DNAH1: variants seen among roughly 807,000 people sequenced by gnomAD.
DNAH1 encodes dynein axonemal heavy chain 1.
DNAH1 carries 327 observed loss-of-function variants against 484.3 expected under a neutral mutation model. The observed-to-expected ratio is 0.68, with a 90% CI of 0.62 to 0.74. The LOEUF (loss-of-function observed/expected upper bound fraction) is 0.74, where lower values mean the gene tolerates loss of function less well. Among genes scored for constraint, DNAH1 ranks in the 30% least tolerant of loss-of-function variants. The pLI is 0.00. For missense variants in DNAH1, 5,052 were observed against 5,546.8 expected, an observed-to-expected ratio of 0.91 and a Z score of 2.83; for synonymous variants, 2,192 against 2,191.9, an observed-to-expected ratio of 1.00 and a Z score of 0.00.
intron 11 of DNAH1, among the ~76,000 whole-genome samples, chr3:52,347,103 C>T (rs1262859303): frequency 6.6e-6 from 1 of 152,220 alleles, no homozygotes; most frequent in Non-Finnish European, 1.5e-5. Context: ...TAAATACATA[C>T]ACACAGTCAT....
Position 52,347,820 on chromosome 3 carries a change from G to C in DNAH1, c.1956-4G>C, listed in dbSNP as rs1465756055. On this transcript the variant is annotated splice_polypyrimidine_tract_variant and splice_region_variant and intron_variant, in intron 11 of 77. Transcript: ENST00000420323. ...GCCCACAGTCAGCTCGCCATTGCCTGCAGGCCCCGGAAGAATCCCCTGTTC... is the reference window on the plus strand; with the variant it reads ...GCCCACAGTCAGCTCGCCATTGCCTCCAGGCCCCGGAAGAATCCCCTGTTC... 1 of 1,574,810 alleles carries C rather than the reference G, an allele frequency of 6.3e-7. No individual in the cohort carries two copies. The highest frequency in any genetic ancestry group is 1.8e-5 in the Admixed American group (1 of 55,344).
In DNAH1 at chr3:52,395,493, G is replaced by A. The variant is rs1704579863; in HGVS notation, c.11127+27G>A. 1.9e-6 allele frequency: 3 copies of A among 1,613,406 alleles called. No individual in the cohort carries two copies. Among genetic ancestry groups the A allele is most frequent in the African/African-American group, 2.7e-5 (2 of 74,962 alleles). Reference sequence around the variant, plus strand: ...TCAGGGCTAGGCAGGGAGGAAGGGAGTGGGCTGGGGGGTGGGCAAGCTGGC... The same window carrying A: ...TCAGGGCTAGGCAGGGAGGAAGGGAATGGGCTGGGGGGTGGGCAAGCTGGC... On this transcript the variant is annotated intron_variant, in intron 69 of 77. Coordinates refer to ENST00000420323, the MANE Select transcript of DNAH1 (RefSeq NM_015512.5). This position sits in a 1 kb window ranked among gnomAD's most constrained non-coding sequence, Gnocchi z 4.4.
chr3:52,325,811 A>G (rs74435749), intron 3 of DNAH1, among the ~76,000 whole-genome samples: 24 of 151,710 alleles, frequency 1.6e-4, no homozygotes, highest in Non-Finnish European at 2.8e-4. Flanking sequence ...CAGTGGTAAC[A>G]CTCTCCCTTG....
Position 52,359,955 on chromosome 3 carries a change from C to G in DNAH1, c.4447C>G (p.Arg1483Gly). 6.2e-7 allele frequency: 1 copy of G among 1,613,862 alleles called. No homozygotes were observed. The change falls in exon 27 of 78, where the codon CGC becomes GGC. Residue 1483 changes from arginine to glycine, a missense_variant. Physicochemically the swap from Arg to Gly is moderately radical, Grantham distance 125. Coordinates refer to ENST00000420323, the MANE Select transcript of DNAH1 (RefSeq NM_015512.5). ...LVALVRGKLS[R>G]MQRAVLSALI... Reference sequence around the variant, plus strand: ...GGCCCTTGTGCGGGGGAAGCTGTCCCGCATGCAGCGGGCAGTGCTGTCAGC... The same window carrying G: ...GGCCCTTGTGCGGGGGAAGCTGTCCGGCATGCAGCGGGCAGTGCTGTCAGC...
chr3:52,379,797 CCAG>C lies in DNAH1; in HGVS notation c.7378-107_7378-105del. On this transcript the variant is annotated intron_variant, in intron 47 of 77. Coordinates refer to ENST00000420323, the MANE Select transcript of DNAH1 (RefSeq NM_015512.5). The surrounding 1 kb of genome is among the most constrained non-coding windows in gnomAD (Gnocchi z 4.4). ...TGGGCCATGGTGGGAGAGCCAGGCT[CCAG>C]TCAGGGCCCCAGGAACTGGGGCCCA... is the stretch of plus-strand genomic sequence containing the variant. 1 of 959,150 alleles carries C rather than the reference CCAG, an allele frequency of 1.0e-6. No homozygotes were observed. The highest frequency in any genetic ancestry group is 2.8e-5 in the Admixed American group (1 of 35,090). The allele number at this position is 959,150 out of a possible 1,614,324, so 59.4% of individuals were successfully genotyped here. A position where few individuals can be genotyped will look rare whatever the true frequency, so the allele number is the denominator to read the frequency against.
chr3:52,362,269 G>T lies in DNAH1; in HGVS notation c.4981-119G>T. 1 of 808,818 alleles carries T rather than the reference G, an allele frequency of 1.2e-6. No individual in the cohort carries two copies. Among genetic ancestry groups the T allele is most frequent in the South Asian group, 1.6e-5 (1 of 61,800 alleles). The allele number at this position is 808,818 out of a possible 1,614,324, so 50.1% of individuals were successfully genotyped here. ...ATACAACCCATGATCAGGGGTCCAG[G>T]CCTGGCCTACCAGCTACAGCCAGGA... On this transcript the variant is annotated intron_variant, in intron 30 of 77. Coordinates refer to ENST00000420323, the MANE Select transcript of DNAH1 (RefSeq NM_015512.5). This position sits in a 1 kb window ranked among gnomAD's most constrained non-coding sequence, Gnocchi z 5.1.
chr3:52,347,682 G>A, intron 11 of DNAH1, 142 bp from the exon 12 acceptor site: 1 of 1,017,210 alleles, frequency 9.8e-7, no homozygotes, highest in Non-Finnish European at 1.4e-6. Flanking sequence ...TGGTAACTTG[G>A]AGGTGTGTGG....
intron 75 of DNAH1, 82 bp from the exon 76 acceptor site, chr3:52,398,768 C>T: frequency 8.0e-7 from 1 of 1,243,148 alleles, no homozygotes; most frequent in East Asian, 2.6e-5. Context: ...TTGTTTTTCA[C>T]TCTGTGGCCT....
chr3:52,388,734 A>G (rs1704230020), intron 58 of DNAH1, 72 bp from the exon 59 acceptor site: 1 of 1,605,964 alleles, frequency 6.2e-7, no homozygotes, highest in Non-Finnish European at 8.5e-7. Flanking sequence ...CCCAGGTGCC[A>G]CAGTGGGTAG....
chr3:52,388,744 G>C (rs759503146), intron 58 of DNAH1, 62 bp from the exon 59 acceptor site: 4 of 1,606,718 alleles, frequency 2.5e-6, no homozygotes, highest in Non-Finnish European at 3.4e-6. Context: ...ACAGTGGGTA[G>C]GGCCAGCCCC....
At chr3:52,334,320 T>C (rs1168022026) in intron 8 of DNAH1, among the ~76,000 whole-genome samples, 1 of 152,176 alleles carries the variant, frequency 6.6e-6, no homozygotes, top group African/African-American at 2.4e-5. Flanking sequence ...GCACTTACCA[T>C]GAATGGAGCC....
At position 52,370,458 on chromosome 3, in the gene DNAH1, C is replaced by T; in HGVS notation, c.6259-19C>T. 1 of 1,613,936 alleles carries T rather than the reference C, an allele frequency of 6.2e-7. No homozygotes were observed. Among genetic ancestry groups the T allele is most frequent in the Non-Finnish European group, 8.5e-7 (1 of 1,179,866 alleles). Reference sequence around the variant, plus strand: ...ATACTGTTCCTGTCTCAGCCTGATACTGTTCCCTTCATCCCCAGGGCCTCA... The same window carrying T: ...ATACTGTTCCTGTCTCAGCCTGATATTGTTCCCTTCATCCCCAGGGCCTCA... On this transcript the variant is annotated intron_variant, in intron 39 of 77. Transcript: ENST00000420323.
Position 52,396,632 on chromosome 3 carries a change from G to C in DNAH1, c.11445G>C (p.Lys3815Asn). ...ACCTCCCCCAGGTGATGGAGTTCAA[G>C]TCTCTGCTGCTGTCTCTGTGCTTGT... ...LNSCHKVMEF[K>N]SLLLSLCLFH... The change falls in exon 72 of 78, where the codon AAG becomes AAC. Residue 3815 changes from lysine (K) to asparagine (N), a missense_variant. This residue lies in a region of DNAH1 where 853 missense variants were observed against 899.0 expected (regional missense o/e 0.95). Transcript: ENST00000420323. 1 of 1,613,192 alleles carries C rather than the reference G, an allele frequency of 6.2e-7. No individual in the cohort carries two copies. The highest frequency in any genetic ancestry group is 8.5e-7 in the Non-Finnish European group (1 of 1,179,524).
chr3:52,322,798 A>G, intron 2 of DNAH1, 23 bp downstream of exon 2: 1 of 1,565,596 alleles, frequency 6.4e-7, no homozygotes. Context: ...GCCATCCCCT[A>G]CCAAGCCTCA....
chr3:52,353,031 A>G lies in DNAH1; in HGVS notation c.3028-72A>G. ...AGGGAGAGGGAGAGGACCTGGCCCAAGAAGGGGCAACATGGAGAGAGACTG... is the reference window on the plus strand; with the variant it reads ...AGGGAGAGGGAGAGGACCTGGCCCAGGAAGGGGCAACATGGAGAGAGACTG... On this transcript the variant is annotated intron_variant, in intron 18 of 77. Transcript: ENST00000420323. The surrounding 1 kb of genome is among the most constrained non-coding windows in gnomAD (Gnocchi z 5.0). 1.4e-6 allele frequency: 2 copies of G among 1,464,452 alleles called. No homozygotes were observed. The highest frequency in any genetic ancestry group is 1.9e-6 in the Non-Finnish European group (2 of 1,080,766). 90.7% of individuals were successfully genotyped at this position (1,464,452 alleles called of 1,614,324 possible). A position where few individuals can be genotyped will look rare whatever the true frequency, so the allele number is the denominator to read the frequency against.
chr3:52,372,166 G>A (rs533628527), intron 42 of DNAH1, 61 bp from the exon 43 acceptor site: 491 of 1,610,254 alleles, frequency 3.0e-4, no homozygotes, highest in South Asian at 4.4e-4. Context: ...ATGGATGCAG[G>A]GGCAGCTCCT....
Position 52,359,351 on chromosome 3 carries a change from C to T in DNAH1, c.4372C>T (p.Leu1458Phe). The T allele has an allele frequency of 6.4e-7, 1 of 1,571,260 alleles. No individual in the cohort carries two copies. Among genetic ancestry groups the T allele is most frequent in the South Asian group, 1.2e-5 (1 of 85,514 alleles). Reference sequence around the variant, plus strand: ...GGCAGAGGCTCTGGAGGCCGGCAACCTCAGAAGCCAACTGTTCCCCCAGCT... The same window carrying T: ...GGCAGAGGCTCTGGAGGCCGGCAACTTCAGAAGCCAACTGTTCCCCCAGCT... ...EVAEALEAGN[L>F]RSQLFPQLCQ... The change falls in exon 26 of 78, where the codon CTC (leucine) becomes TTC (phenylalanine). Residue 1458 changes from leucine to phenylalanine, a missense_variant. By Grantham distance (22) the Leu-to-Phe change is conservative (BLOSUM62 0). Transcript: ENST00000420323.
chr3:52,330,493 G>A (rs577078922), intron 6 of DNAH1, among the ~76,000 whole-genome samples: 129 of 152,392 alleles, frequency 8.5e-4, no homozygotes, highest in Non-Finnish European at 1.7e-3. Context: ...GGCACAGGCA[G>A]TGCAGAGGCT....
At chr3:52,373,718 T>C (rs913108547) in intron 44 of DNAH1, 1 of 1,376,654 alleles carries the variant, frequency 7.3e-7, no homozygotes, top group East Asian at 2.3e-5. Flanking sequence ...GCGTCCTTTT[T>C]GACTTTGTTT....
Sources: gnomAD v4.1 joint callset for allele counts (sites outside exome capture counted in the v4.1 genomes callset) on GRCh38, gnomAD v4.1.1 for gene constraint, gnomAD v4.1.1 regional missense constraint, Gnocchi (gnomAD v3.1) non-coding constraint, MANE v1.5 for transcripts, NCBI Gene and HGNC (gene_info 2026-07-23, HGNC 2026-07-21) for gene names.